NAA15: variants seen among roughly 807,000 people sequenced by gnomAD.
The protein encoded by NAA15 is N-terminal acetyltransferase.
NAA15 carries 34 observed loss-of-function variants against 114.0 expected under a neutral mutation model. That is an observed-to-expected ratio of 0.30 (90% CI 0.23 to 0.40). The LOEUF is 0.40. Ranked by LOEUF, NAA15 falls within the 10% of genes least tolerant of loss-of-function variation. NAA15 has a pLI of 1.00. For synonymous variants in NAA15, 340 were observed against 338.0 expected (o/e 1.01, Z -0.06); for missense variants, 658 against 1,004.5 (o/e 0.66, Z 4.66).
chr4:139,308,183 G>A (rs34951997), intron 1 of NAA15, among the ~76,000 whole-genome samples: 18 of 152,106 alleles, frequency 1.2e-4, no homozygotes, highest in East Asian at 1.9e-4. Context: ...GGATGGTCTC[G>A]ATCTCCTGAC....
intron 1 of NAA15, among the ~76,000 whole-genome samples, chr4:139,310,015 T>C (rs191737872): frequency 8.5e-5 from 13 of 152,192 alleles, no homozygotes; most frequent in South Asian, 4.2e-4. Flanking sequence ...CTCGGTGTGA[T>C]TGGGGGACTG....
intron 1 of NAA15, among the ~76,000 whole-genome samples, chr4:139,331,343 G>A (rs1204583684): frequency 6.6e-6 from 1 of 151,854 alleles, no homozygotes; most frequent in South Asian, 2.1e-4. Flanking sequence ...GTTGACCTCT[G>A]GTTTGTGAAA....
intron 5 of NAA15, among the ~76,000 whole-genome samples, chr4:139,343,865 C>A (rs1027769253): frequency 6.6e-6 from 1 of 152,238 alleles, no homozygotes; most frequent in Non-Finnish European, 1.5e-5. Flanking sequence ...CTATGATAGT[C>A]GCAAAATGGT....
chr4:139,320,000 C>T (rs1337695471), intron 1 of NAA15, among the ~76,000 whole-genome samples: 1 of 152,174 alleles, frequency 6.6e-6, no homozygotes, highest in South Asian at 2.1e-4. Context: ...GGTATTTTCT[C>T]CTTAAAAAAA....
At chr4:139,385,018 T>C in intron 18 of NAA15, 40 bp downstream of exon 18, 2 of 1,412,122 alleles carry the variant, frequency 1.4e-6, no homozygotes, top group Non-Finnish European at 1.9e-6. Flanking sequence ...TAAAACAACT[T>C]CAGTAATTTT....
chr4:139,369,900 G>A (rs1320910195), intron 14 of NAA15, among the ~76,000 whole-genome samples: 3 of 152,026 alleles, frequency 2.0e-5, no homozygotes, highest in Admixed American at 6.6e-5. Flanking sequence ...TGCCTCCTGG[G>A]TTCAAGCAAT....
chr4:139,348,099 A>G (rs1045262639), intron 6 of NAA15, among the ~76,000 whole-genome samples: 9 of 152,094 alleles, frequency 5.9e-5, no homozygotes, highest in African/African-American at 9.7e-5. Flanking sequence ...TGATGAAAGT[A>G]ATAGTAATCT....
rs1553992557 is a variant in NAA15, at chr4:139,315,051, G to GTTAGGTTAGT, written c.54+13224_54+13225insGTTAGTTTAG. On this transcript the variant is annotated intron_variant, in intron 1 of 19. Coordinates refer to ENST00000296543, the MANE Select transcript of NAA15 (RefSeq NM_057175.5). ...GTTAGGTTAGGTTAGGTTAGGTTAG[G>GTTAGGTTAGT]TTAGTTTAGTTTAGTTTAGTTTAGT... Among the ~76,000 whole-genome samples the GTTAGGTTAGT allele has an allele frequency of 1.4e-3, 163 of 112,430 alleles. 3 individuals carry two copies. The highest frequency in any genetic ancestry group is 6.1e-3 in the Admixed American group (71 of 11,656). 73.8% of individuals were successfully genotyped at this position (112,430 alleles called of 152,430 possible).
chr4:139,346,258 A>G (rs924734778), intron 6 of NAA15, among the ~76,000 whole-genome samples: 5 of 152,126 alleles, frequency 3.3e-5, no homozygotes, highest in Non-Finnish European at 5.9e-5. Context: ...GATGTAATGC[A>G]TATTTTGGAG....
Position 139,318,165 on chromosome 4 carries a change from G to A in NAA15, c.55-16009G>A, listed in dbSNP as rs567657182. On this transcript the variant is annotated intron_variant, in intron 1 of 19. Transcript: ENST00000296543. Reference sequence around the variant, plus strand: ...ATGCTTGTACTCCACAAAAATATTGGTGTAAAATTCCTTACAGATCTTTCT... The same window carrying A: ...ATGCTTGTACTCCACAAAAATATTGATGTAAAATTCCTTACAGATCTTTCT... 7.9e-5 allele frequency among the ~76,000 whole-genome samples: 12 copies of A among 152,170 alleles called. No individual in the cohort carries two copies. The East Asian group carries it at 2.3e-3, about 29-fold the overall frequency.
chr4:139,337,054 G>A, intron 3 of NAA15, 102 bp downstream of exon 3: 1 of 585,322 alleles, frequency 1.7e-6, no homozygotes. Flanking sequence ...TGCTATTACA[G>A]AGGAAATTAT....
At position 139,351,296 on chromosome 4, in the gene NAA15, A is replaced by C. The variant is rs1245382143; in HGVS notation, c.907+10A>C. Reference sequence around the variant, plus strand: ...TTAAACTTTTTATCTGGTAAGTGAGAATAATTGCAAAGGAATAGAAATGCT... The same window carrying C: ...TTAAACTTTTTATCTGGTAAGTGAGCATAATTGCAAAGGAATAGAAATGCT... On this transcript the variant is annotated intron_variant, in intron 8 of 19. Transcript: ENST00000296543. The C allele has an allele frequency of 6.5e-7, 1 of 1,543,948 alleles. No individual in the cohort carries two copies. The highest frequency in any genetic ancestry group is 2.3e-5 in the East Asian group (1 of 44,436).
At chr4:139,341,535 A>G (rs927294064) in intron 4 of NAA15, among the ~76,000 whole-genome samples, 5 of 132,936 alleles carry the variant, frequency 3.8e-5, no homozygotes, top group African/African-American at 1.4e-4. Flanking sequence ...TGGAGCTTGC[A>G]GTGAGCCAAG....
intron 1 of NAA15, among the ~76,000 whole-genome samples, chr4:139,331,822 A>G (rs951981011): frequency 6.6e-6 from 1 of 151,936 alleles, no homozygotes; most frequent in African/African-American, 2.4e-5. Flanking sequence ...AACTATGCAT[A>G]TATTGTTCAG....
chr4:139,383,963 A>G (rs1163011494), intron 17 of NAA15, among the ~76,000 whole-genome samples: 1 of 152,224 alleles, frequency 6.6e-6, no homozygotes, highest in African/African-American at 2.4e-5. Context: ...CTTCAGCACT[A>G]CATAGTTGGC....
chr4:139,324,540 T>G (rs1241334519), intron 1 of NAA15, among the ~76,000 whole-genome samples: 1 of 152,236 alleles, frequency 6.6e-6, no homozygotes, highest in East Asian at 1.9e-4. Context: ...TAAAACCTGT[T>G]TTAAGTGAAT....
In NAA15 at chr4:139,351,260, G is replaced by A. The variant is rs1429360703; in HGVS notation, c.881G>A (p.Arg294Lys). The change falls in exon 8 of 20, where the codon AGA (arginine) becomes AAA (lysine). Residue 294 changes from arginine (R) to lysine (K), a missense_variant. Coordinates refer to ENST00000296543, the MANE Select transcript of NAA15 (RefSeq NM_057175.5). The stretch of plus-strand genomic sequence containing the variant: ...AAATATCCCAGGGGACTGGTGCCAA[G>A]AAGGCTGCCGTTAAACTTTTTATCT... ...WTKYPRGLVP[R>K]RLPLNFLSGE... is the part of the protein sequence containing the mutation. The A allele has an allele frequency of 6.2e-7, 1 of 1,609,686 alleles. No homozygotes were observed. Among genetic ancestry groups the A allele is most frequent in the African/African-American group, 1.3e-5 (1 of 74,864 alleles).
rs144476930 is a variant in NAA15, at chr4:139,353,303, A to AG, written c.1015-723_1015-722insG. ...TAGGAGGGAACATGGGTGCACCAGA[A>AG]TAACCTAGCTGCAATCTTTAGTCCT... On this transcript the variant is annotated intron_variant, in intron 9 of 19. Coordinates refer to ENST00000296543, the MANE Select transcript of NAA15 (RefSeq NM_057175.5). Among the ~76,000 whole-genome samples, 418 of 152,338 alleles carry AG rather than the reference A, an allele frequency of 2.7e-3. 1 individual carries two copies. The highest frequency in any genetic ancestry group is 0.01 in the Middle Eastern group (3 of 294).
intron 2 of NAA15, among the ~76,000 whole-genome samples, chr4:139,335,096 G>A (rs1450170678): frequency 1.3e-5 from 2 of 152,098 alleles, no homozygotes; most frequent in African/African-American, 2.4e-5. Context: ...GAGGCAGGAG[G>A]ATTGCTTGAG....
Sources: allele counts gnomAD v4.1 joint callset (sites outside exome capture counted in the v4.1 genomes callset), GRCh38; gene constraint gnomAD v4.1.1; transcripts MANE v1.5; gene names NCBI Gene and HGNC (gene_info 2026-07-23, HGNC 2026-07-21).